Variants in GLB1L3 observed in about 807,000 individuals in gnomAD.
GLB1L3 encodes galactosidase beta 1 like 3.
Under a neutral mutation model 89.5 loss-of-function variants are expected in GLB1L3, and 89 were observed. That is an observed-to-expected ratio of 0.99 (90% CI 0.84 to 1.19). The LOEUF is 1.19. GLB1L3 is among the 50% of genes most tolerant of loss of function. GLB1L3 has a pLI of 0.00. For missense variants in GLB1L3, 812 were observed against 813.3 expected, an observed-to-expected ratio of 1.00 and a Z score of 0.02; for synonymous variants, 314 against 312.3, an observed-to-expected ratio of 1.01 and a Z score of -0.06.
At chr11:134,308,500 TACC>T (rs146020769) in intron 10 of GLB1L3, among the ~76,000 whole-genome samples, 6,307 of 14,866 alleles carry the variant, frequency 0.42, 1,234 homozygotes, top group Middle Eastern at 0.65. Context: ...CACCACCAAA[TACC>T]ACCACCACCA....
downstream of GLB1L3, among the ~76,000 whole-genome samples, chr11:134,323,376 T>TGCGC (rs775499372): frequency 9.4e-6 from 1 of 106,072 alleles, no homozygotes; most frequent in Admixed American, 1.1e-4. Context: ...CACACATGCG[T>TGCGC]GCGCACACAC....
Position 134,314,029 on chromosome 11 carries a change from G to A in GLB1L3, c.1667+1G>A. On this transcript the variant is annotated splice_donor_variant, in intron 17 of 19. Coordinates refer to ENST00000431683, the MANE Select transcript of GLB1L3 (RefSeq NM_001080407.3). LOFTEE classifies it high-confidence loss of function. ...AGATGAAAATGAGCTTCTTTGAGAG[G>A]TATGCTCCAGCTGGCCCCCAGTGCA... The A allele has an allele frequency of 1.9e-6, 3 of 1,599,514 alleles. No homozygotes were observed. Among genetic ancestry groups the A allele is most frequent in the Admixed American group, 1.7e-5 (1 of 59,692 alleles).
downstream of GLB1L3, among the ~76,000 whole-genome samples, chr11:134,321,052 C>T (rs753524045): frequency 3.3e-5 from 5 of 152,098 alleles, no homozygotes; most frequent in Admixed American, 3.3e-4. Flanking sequence ...TAAGAAAGAA[C>T]GTGGAATCCA....
chr11:134,278,390 T>A (rs1425068567), intron 3 of GLB1L3, among the ~76,000 whole-genome samples: 1 of 152,092 alleles, frequency 6.6e-6, no homozygotes, highest in Admixed American at 6.6e-5. Context: ...GCTCAGGTGA[T>A]CCTCCTGCCT....
chr11:134,302,777 T>C (rs868775693), intron 9 of GLB1L3, among the ~76,000 whole-genome samples: 1 of 152,226 alleles, frequency 6.6e-6, no homozygotes, highest in African/African-American at 2.4e-5. Flanking sequence ...AAATGCCCTG[T>C]GTGTTTGTAA....
chr11:134,310,263 G>A (rs1942657220), intron 11 of GLB1L3: 1 of 428,724 alleles, frequency 2.3e-6, no homozygotes, highest in Admixed American at 3.6e-5. Context: ...ATGAATTTGT[G>A]TTGGGCTGCA....
At chr11:134,309,905 C>G (rs977116365) in intron 11 of GLB1L3, 142 bp downstream of exon 11, 2 of 920,982 alleles carry the variant, frequency 2.2e-6, no homozygotes, top group Non-Finnish European at 3.2e-6. Flanking sequence ...TATCTACTTT[C>G]CTTCCTTCTG....
At chr11:134,308,120 C>T (rs912659328) in intron 10 of GLB1L3, among the ~76,000 whole-genome samples, 19 of 84,008 alleles carry the variant, frequency 2.3e-4, no homozygotes, top group African/African-American at 6.8e-4. Flanking sequence ...ATACCACCAC[C>T]ATCATCACAT....
At chr11:134,308,637 A>ACCACCAC (rs1565414813) in intron 10 of GLB1L3, among the ~76,000 whole-genome samples, 1 of 76,360 alleles carries the variant, frequency 1.3e-5, no homozygotes. Flanking sequence ...ATCACCATCA[A>ACCACCAC]CACCATCACC....
rs1291480553 is a variant in GLB1L3, at chr11:134,314,422, A to G, written c.1760A>G (p.Asp587Gly). The change falls in exon 18 of 20, where the codon GAC (aspartate) becomes GGC (glycine). Residue 587 changes from aspartate to glycine, a missense_variant. By Grantham distance (94) the Asp-to-Gly change is moderately conservative (BLOSUM62 -1). Coordinates refer to ENST00000431683, the MANE Select transcript of GLB1L3 (RefSeq NM_001080407.3). ...GTLKAGPSPK[D>G]TFLSLLNWNY... is the part of the protein sequence containing the mutation. ...TTGAAGGCTGGCCCTTCTCCCAAGG[A>G]CACCTTCCTGAGCCTGCTGGTAGGT... 1.3e-6 allele frequency: 2 copies of G among 1,550,762 alleles called. No homozygotes were observed. Among genetic ancestry groups the G allele is most frequent in the African/African-American group, 2.7e-5 (2 of 72,990 alleles).
rs550454177 is a variant in GLB1L3 at position 134,300,293 on chromosome 11, A to G, written c.877-6831A>G. ...CCTAATCTCCTCTTCTTATAAGGAC[A>G]CCAGACATATTGGATTAGGGCCCAT... On this transcript the variant is annotated intron_variant, in intron 9 of 19. Transcript: ENST00000431683. Among the ~76,000 whole-genome samples, 16 of 149,764 alleles carry G rather than the reference A, an allele frequency of 1.1e-4. No homozygotes were observed. The South Asian group carries it at 3.2e-3, about 30-fold the overall frequency.
intron 12 of GLB1L3, 104 bp downstream of exon 12, chr11:134,310,755 C>A: frequency 1.2e-6 from 1 of 822,854 alleles, no homozygotes; most frequent in Non-Finnish European, 2.0e-6. Context: ...GCAGCAGTTA[C>A]ACCAAGCTCC....
At chr11:134,281,072 C>G (rs982504554) in intron 3 of GLB1L3, among the ~76,000 whole-genome samples, 55 of 152,204 alleles carry the variant, frequency 3.6e-4, no homozygotes, top group African/African-American at 1.2e-3. Context: ...TGTTTTTGTT[C>G]TCTTTTTTAA....
At chr11:134,305,201 A>G in intron 9 of GLB1L3, 1 of 1,088,906 alleles carries the variant, frequency 9.2e-7, no homozygotes, top group South Asian at 1.3e-5. Flanking sequence ...TGATTCTTCC[A>G]TAATTTTGTC....
intron 12 of GLB1L3, 111 bp downstream of exon 12, chr11:134,310,762 C>T (rs1591586310): frequency 3.8e-6 from 3 of 782,732 alleles, no homozygotes; most frequent in East Asian, 5.3e-5. Context: ...TTACACCAAG[C>T]TCCTGAGAAC....
rs543911673 is a variant in GLB1L3 at position 134,288,698 on chromosome 11, C to A, written c.637-100C>A. The A allele has an allele frequency of 1.3e-5, 10 of 761,832 alleles. No homozygotes were observed. In the African/African-American group the frequency reaches 1.4e-4, roughly 11 times the overall value. The allele number at this position is 761,832 out of a possible 1,614,324, so 47.2% of individuals were successfully genotyped here. A position where few individuals can be genotyped will look rare whatever the true frequency, so the allele number is the denominator to read the frequency against. ...GACCACAGGGGCCGTGGATCAGAGC[C>A]TGCCGCACCAGCTGTGCAGCCTTCG... On this transcript the variant is annotated intron_variant, in intron 6 of 19. Transcript: ENST00000431683.
chr11:134,276,650 CG>C lies in GLB1L3; in HGVS notation c.-87del. 1.7e-6 allele frequency: 2 copies of C among 1,195,444 alleles called. No individual in the cohort carries two copies. The highest frequency in any genetic ancestry group is 2.2e-5 in the South Asian group (1 of 45,968). 74.1% of individuals were successfully genotyped at this position (1,195,444 alleles called of 1,614,324 possible). On this transcript the variant is annotated 5_prime_UTR_variant, in exon 1 of 20. Transcript: ENST00000431683. ...CAGACCTGAGCCTGCCCCGCGGAAC[CG>C]GGGCTCGAGTCCCGGCCCGAGCGCG...
downstream of GLB1L3, among the ~76,000 whole-genome samples, chr11:134,323,489 C>A (rs1213688444): frequency 6.6e-6 from 1 of 151,902 alleles, no homozygotes; most frequent in African/African-American, 2.4e-5. Context: ...GCAGGAGAAT[C>A]GCTTGAACCC....
chr11:134,293,138 T>C lies in GLB1L3; in HGVS notation c.812-7T>C. 1 of 1,613,186 alleles carries C rather than the reference T, an allele frequency of 6.2e-7. No individual in the cohort carries two copies. The highest frequency in any genetic ancestry group is 8.5e-7 in the Non-Finnish European group (1 of 1,179,212). The stretch of plus-strand genomic sequence containing the variant: ...GCCTCAGCTGGGTCTCTCTCTTCTT[T>C]ATGCAGTGTTGGCCGCCATCAATTT... On this transcript the variant is annotated splice_polypyrimidine_tract_variant and splice_region_variant and intron_variant, in intron 8 of 19. Transcript: ENST00000431683.
Sources: gnomAD v4.1 joint callset for allele counts (sites outside exome capture counted in the v4.1 genomes callset) on GRCh38, gnomAD v4.1.1 for gene constraint, MANE v1.5 for transcripts, NCBI Gene and HGNC (gene_info 2026-07-23, HGNC 2026-07-21) for gene names.